The following PLAUR variants were observed in gnomAD, a reference collection of about 807,000 sequenced individuals.
PLAUR encodes the protein plasminogen activator, urokinase receptor, also known as urokinase plasminogen activator surface receptor.
Under a neutral mutation model 33.4 loss-of-function variants are expected in PLAUR, and 22 were observed. The observed-to-expected ratio is 0.66, with a 90% CI of 0.47 to 0.94. The LOEUF is 0.94. Ranked by LOEUF, PLAUR falls within the 40% of genes least tolerant of loss-of-function variation. The pLI is 0.00. For missense variants in PLAUR, 408 were observed against 434.7 expected, an observed-to-expected ratio of 0.94 and a Z score of 0.55; for synonymous variants, 148 against 167.3, an observed-to-expected ratio of 0.88 and a Z score of 0.89.
At chr19:43,652,819 T>C (rs1444453469) in intron 5 of PLAUR, among the ~76,000 whole-genome samples, 2 of 151,748 alleles carry the variant, frequency 1.3e-5, no homozygotes, top group African/African-American at 4.8e-5. Context: ...CCTAGCCAAT[T>C]TTTCTGTTTT....
At chr19:43,669,178 G>T (rs1967411603) in intron 1 of PLAUR, among the ~76,000 whole-genome samples, 1 of 152,198 alleles carries the variant, frequency 6.6e-6, no homozygotes, top group Non-Finnish European at 1.5e-5. Flanking sequence ...CACATTTTCC[G>T]GGGAAGTAAG....
At chr19:43,655,980 C>T (rs1213686839) in intron 4 of PLAUR, among the ~76,000 whole-genome samples, 2 of 151,984 alleles carry the variant, frequency 1.3e-5, no homozygotes, top group Non-Finnish European at 2.9e-5. Flanking sequence ...GGTGGCCGGG[C>T]GTGGTGGCTC....
rs534648312 is a variant in PLAUR at position 43,653,891 on chromosome 19, T to TGAGTCAGGCGGATCATG, written c.607+1531_608-1521dup. Among the ~76,000 whole-genome samples the TGAGTCAGGCGGATCATG allele has an allele frequency of 2.2e-3, 328 of 152,150 alleles. 2 individuals carry two copies. Among genetic ancestry groups the TGAGTCAGGCGGATCATG allele is most frequent in the Non-Finnish European group, 3.5e-3 (240 of 67,996 alleles). ...CTGTAATCCCAGCACTTTGGGAGGC[T>TGAGTCAGGCGGATCATG]GAGTCAGGCGGATCATGAGGTCAGG... On this transcript the variant is annotated intron_variant, in intron 5 of 6. Transcript: ENST00000340093.
chr19:43,656,664 G>A (rs748759450), intron 3 of PLAUR, 24 bp from the exon 4 acceptor site: 1 of 1,565,316 alleles, frequency 6.4e-7, no homozygotes, highest in South Asian at 1.2e-5. Flanking sequence ...GGGGAGGGGA[G>A]TGAGACTCCA....
intron 3 of PLAUR, 97 bp downstream of exon 3, chr19:43,665,219 G>T: frequency 7.7e-7 from 1 of 1,293,016 alleles, no homozygotes; most frequent in Non-Finnish European, 1.1e-6. Context: ...TGGAGTTGGG[G>T]TTCAGCTGAT....
chr19:43,653,157 G>C (rs1456011266), intron 5 of PLAUR, among the ~76,000 whole-genome samples: 1 of 152,056 alleles, frequency 6.6e-6, no homozygotes, highest in Non-Finnish European at 1.5e-5. Context: ...GGTAGCCACT[G>C]GCCACATGTG....
Position 43,656,660 on chromosome 19 carries a change from G to A in PLAUR, c.311-20C>T, listed in dbSNP as rs1182627509. ...CCCGGCCTGTTTGGAAGAGGGGGAG[G>A]GGAGTGAGACTCCATGGGGACAGTC... On this transcript the variant is annotated intron_variant, in intron 3 of 6. Transcript: ENST00000340093. 4 of 1,570,338 alleles carry A rather than the reference G, an allele frequency of 2.5e-6. No homozygotes were observed. Among genetic ancestry groups the A allele is most frequent in the South Asian group, 1.2e-5 (1 of 85,406 alleles).
chr19:43,652,413 G>A (rs1476797395), intron 5 of PLAUR, 42 bp from the exon 6 acceptor site: 1 of 1,590,300 alleles, frequency 6.3e-7, no homozygotes, highest in Non-Finnish European at 8.6e-7. Context: ...GAAAATTAGT[G>A]CTTGGATCTC....
At chr19:43,648,087 T>G (rs978228794), downstream of PLAUR, among the ~76,000 whole-genome samples, 2 of 152,034 alleles carry the variant, frequency 1.3e-5, no homozygotes, top group Non-Finnish European at 2.9e-5. Flanking sequence ...GGGGTTGGCA[T>G]GTTTCTGGTC....
intron 5 of PLAUR, among the ~76,000 whole-genome samples, chr19:43,652,827 T>C (rs903263530): frequency 1.3e-5 from 2 of 151,858 alleles, no homozygotes; most frequent in Non-Finnish European, 2.9e-5. Context: ...ATTTTTCTGT[T>C]TTTTGTAGAG....
intron 6 of PLAUR, among the ~76,000 whole-genome samples, chr19:43,651,251 A>G (rs1169284413): frequency 2.7e-5 from 4 of 150,454 alleles, no homozygotes; most frequent in Non-Finnish European, 4.4e-5. Flanking sequence ...ACTAATTTGT[A>G]TTTTTAGTAG....
At chr19:43,652,113 T>G in intron 6 of PLAUR, 112 bp downstream of exon 6, 1 of 1,535,290 alleles carries the variant, frequency 6.5e-7, no homozygotes, top group Non-Finnish European at 8.8e-7. Context: ...AAATCCCACC[T>G]TTTCCACAGG....
At chr19:43,662,262 C>T (rs1296260830) in intron 3 of PLAUR, among the ~76,000 whole-genome samples, 1 of 151,976 alleles carries the variant, frequency 6.6e-6, no homozygotes, top group Non-Finnish European at 1.5e-5. Flanking sequence ...CTTTGGGAGG[C>T]CGAGGTGGGT....
intron 5 of PLAUR, 40 bp downstream of exon 5, chr19:43,655,399 T>G (rs1348308525): frequency 6.2e-7 from 1 of 1,603,322 alleles, no homozygotes; most frequent in Non-Finnish European, 8.5e-7. Flanking sequence ...TGCATGCCCC[T>G]GCCCGACCCC....
rs1973875144 is a variant in PLAUR, at chr19:43,648,904, G to C, written c.994C>G (p.Leu332Val). 1 of 1,613,540 alleles carries C rather than the reference G, an allele frequency of 6.2e-7. No individual in the cohort carries two copies. The highest frequency in any genetic ancestry group is 1.7e-5 in the Admixed American group (1 of 59,990). Residue 332 changes from leucine (L) to valine (V), a missense_variant, in exon 7 of 7, where the codon CTC becomes GTC. Coordinates refer to ENST00000340093, the MANE Select transcript of PLAUR (RefSeq NM_002659.4). ...LMTARLWGGTLLWT is the reference protein window; with the variant it reads ...LMTARLWGGTVLWT ...GGATTTCAGGTTTAGGTCCAGAGGA[G>C]AGTGCCTCCCCACAGTCTGGCAGTC...
intron 2 of PLAUR, among the ~76,000 whole-genome samples, chr19:43,665,878 G>C (rs982752181): frequency 1.3e-5 from 2 of 150,306 alleles, no homozygotes; most frequent in African/African-American, 4.9e-5. Flanking sequence ...TGCCCAGGCT[G>C]ATCTCAAACT....
At position 43,665,420 on chromosome 19, in the gene PLAUR, T is replaced by G. The variant is rs753768463; in HGVS notation, c.206A>C (p.His69Pro). The change falls in exon 3 of 7, where the codon CAC becomes CCC. Residue 69 changes from histidine (H) to proline (P), a missense_variant. Transcript: ENST00000340093. ...ELELVEKSCT[H>P]SEKTNRTLSY... is the part of the protein sequence containing the mutation. ...CAGGGTCCTGTTGGTCTTCTCTGAG[T>G]GGGTACAGCTTTTCTCCACCAGCTC... The G allele has an allele frequency of 6.2e-7, 1 of 1,613,314 alleles. No individual in the cohort carries two copies. The highest frequency in any genetic ancestry group is 1.1e-5 in the South Asian group (1 of 91,028).
In PLAUR at chr19:43,670,066, C is replaced by T; in HGVS notation, c.55G>A (p.Ala19Thr). 1 of 1,613,348 alleles carries T rather than the reference C, an allele frequency of 6.2e-7. No homozygotes were observed. The highest frequency in any genetic ancestry group is 8.5e-7 in the Non-Finnish European group (1 of 1,179,704). Residue 19 changes from alanine to threonine, a missense_variant and splice_region_variant, in exon 1 of 7, where the codon GCC (alanine) becomes ACC (threonine). Ala to Thr is a moderately conservative substitution (Grantham distance 58). Transcript: ENST00000340093. ...CAGGCGTTCGGGACCCAGCCCCTAC[C>T]TGGGACGCAGGTGTGGAGCAGCAGC... The part of the protein sequence containing the change: ...LLLLLHTCVP[A>T]SWGLRCMQCK...
At chr19:43,669,519 A>G (rs903109488) in intron 1 of PLAUR, among the ~76,000 whole-genome samples, 2 of 152,196 alleles carry the variant, frequency 1.3e-5, no homozygotes, top group Non-Finnish European at 2.9e-5. Flanking sequence ...CATTTAAAAA[A>G]AGAACACTTG....
Sources: gnomAD v4.1 joint callset for allele counts (sites outside exome capture counted in the v4.1 genomes callset) on GRCh38, gnomAD v4.1.1 for gene constraint, MANE v1.5 for transcripts, NCBI Gene and HGNC (gene_info 2026-07-23, HGNC 2026-07-21) for gene names.